The following ASPRV1 variants were observed in gnomAD, a reference collection of about 807,000 sequenced individuals.
The protein encoded by ASPRV1 is aspartic peptidase retroviral like 1.
Under a neutral mutation model 11.0 loss-of-function variants are expected in ASPRV1, and 7 were observed. The ratio of observed to expected loss-of-function variants is 0.64; its 90% confidence interval spans 0.36 to 1.20. The LOEUF is 1.20. Ranked by LOEUF, ASPRV1 falls within the 50% of genes most tolerant of loss-of-function variation. The probability of loss-of-function intolerance (pLI) is 0.02; values close to 1 mark genes in which losing one functional copy is unlikely to be tolerated. For synonymous variants in ASPRV1, 136 were observed against 138.4 expected (o/e 0.98, Z 0.12); for missense variants, 299 against 320.0 (o/e 0.93, Z 0.50).
At chr2:70,044,894 C>G in the ASPRV1 span, among the ~76,000 whole-genome samples, 1 of 152,208 alleles carries the variant, frequency 6.6e-6, no homozygotes, top group Non-Finnish European at 1.5e-5. Flanking sequence ...TGAGCCACAT[C>G]AACAGATTTT....
chr2:70,053,601 T>C, the ASPRV1 span: 2 of 152,340 alleles, frequency 1.3e-5, no homozygotes, highest in East Asian at 1.9e-4. Flanking sequence ...GCCCTGCTTA[T>C]AGTTAAATAT....
At chr2:69,947,450 A>C in the ASPRV1 span, among the ~76,000 whole-genome samples, 1 of 152,198 alleles carries the variant, frequency 6.6e-6, no homozygotes, top group African/African-American at 2.4e-5. Context: ...GGAAACTCAG[A>C]GCCAAATTCA....
chr2:69,952,684 A>G, the ASPRV1 span, among the ~76,000 whole-genome samples: 1 of 152,142 alleles, frequency 6.6e-6, no homozygotes, highest in African/African-American at 2.4e-5. Flanking sequence ...GGGGCTGGAT[A>G]GTTCTTTATT....
the ASPRV1 span, among the ~76,000 whole-genome samples, chr2:69,981,299 A>C: frequency 6.6e-6 from 1 of 152,192 alleles, no homozygotes; most frequent in Non-Finnish European, 1.5e-5. Flanking sequence ...ATGATGATAG[A>C]AAGTGGACAG....
upstream of ASPRV1, chr2:69,963,208 A>C (rs1285496031): frequency 4.4e-6 from 2 of 451,824 alleles, no homozygotes; most frequent in South Asian, 3.1e-5. Context: ...ACCTCTCATC[A>C]CAGCTGCCTG....
At chr2:69,949,174 G>A in the ASPRV1 span, among the ~76,000 whole-genome samples, 3 of 152,102 alleles carry the variant, frequency 2.0e-5, no homozygotes, top group South Asian at 6.2e-4. Context: ...AGCAGACCCT[G>A]CAGGCCCCCT....
the ASPRV1 span, among the ~76,000 whole-genome samples, chr2:70,085,025 A>C: frequency 6.6e-6 from 1 of 152,200 alleles, no homozygotes; most frequent in African/African-American, 2.4e-5. Flanking sequence ...TGCTTGGCCC[A>C]CTAGCTACGT....
the ASPRV1 span, among the ~76,000 whole-genome samples, chr2:70,068,558 C>T: frequency 6.6e-6 from 1 of 152,018 alleles, no homozygotes; most frequent in Non-Finnish European, 1.5e-5. Flanking sequence ...GTAGCTAGAG[C>T]AGCAGCAGGA....
At chr2:70,072,896 T>TAAAAAAAAAA in the ASPRV1 span, among the ~76,000 whole-genome samples, 2 of 70,324 alleles carry the variant, frequency 2.8e-5, no homozygotes, top group African/African-American at 4.1e-5. Flanking sequence ...TATAAAAAAC[T>TAAAAAAAAAA]AAAAAAAAAA....
downstream of ASPRV1, among the ~76,000 whole-genome samples, chr2:69,956,819 G>A (rs1677951606): frequency 6.6e-6 from 1 of 152,170 alleles, no homozygotes; most frequent in Non-Finnish European, 1.5e-5. Flanking sequence ...ATGTACTGAG[G>A]ATGCACCATC....
chr2:69,936,404 G>A, the ASPRV1 span, among the ~76,000 whole-genome samples: 1 of 152,124 alleles, frequency 6.6e-6, no homozygotes, highest in Non-Finnish European at 1.5e-5. Flanking sequence ...GCACAGAGTT[G>A]ACACTCTCTT....
chr2:70,082,747 A>G, the ASPRV1 span, among the ~76,000 whole-genome samples: 1 of 151,998 alleles, frequency 6.6e-6, no homozygotes, highest in Admixed American at 6.6e-5. Flanking sequence ...CTTAAAAATC[A>G]GCCGGCATGG....
the ASPRV1 span, among the ~76,000 whole-genome samples, chr2:70,007,803 A>G: frequency 1.3e-5 from 2 of 151,892 alleles, no homozygotes; most frequent in East Asian, 3.9e-4. Flanking sequence ...CTCCTTTGAT[A>G]TTGTTTTGAG....
chr2:69,944,519 CCA>C, the ASPRV1 span, among the ~76,000 whole-genome samples: 1 of 152,216 alleles, frequency 6.6e-6, no homozygotes, highest in African/African-American at 2.4e-5. Flanking sequence ...TGCCCCAAAC[CCA>C]CAGAGCTAGT....
chr2:69,954,640 C>A, the ASPRV1 span, among the ~76,000 whole-genome samples: 20 of 152,278 alleles, frequency 1.3e-4, no homozygotes, highest in Non-Finnish European at 2.2e-4. Flanking sequence ...CTTGTCCTTG[C>A]CTCCCTGTTT....
the ASPRV1 span, chr2:70,030,994 T>C: frequency 6.6e-6 from 1 of 152,272 alleles, no homozygotes; most frequent in Non-Finnish European, 1.5e-5. Context: ...ATCATTACAA[T>C]GATAATGAAG....
the ASPRV1 span, chr2:69,939,789 G>A: frequency 6.6e-6 from 1 of 152,360 alleles, no homozygotes; most frequent in East Asian, 1.9e-4. Flanking sequence ...GACGCACTGC[G>A]ACCTAAGGGC....
chr2:70,017,051 C>T, the ASPRV1 span, among the ~76,000 whole-genome samples: 149 of 152,172 alleles, frequency 9.8e-4, no homozygotes, highest in East Asian at 0.026. Context: ...AGTGCAGTGG[C>T]GTGATCTCAG....
chr2:69,986,845 A>T, the ASPRV1 span, among the ~76,000 whole-genome samples: 3 of 152,198 alleles, frequency 2.0e-5, no homozygotes, highest in African/African-American at 7.2e-5. Flanking sequence ...CTGGGAGGTC[A>T]CTTAGTGGGC....
Sources: gnomAD v4.1 joint callset for allele counts (sites outside exome capture counted in the v4.1 genomes callset) on GRCh38, gnomAD v4.1.1 for gene constraint, MANE v1.5 for transcripts, NCBI Gene and HGNC (gene_info 2026-07-23, HGNC 2026-07-21) for gene names.